Variants in ANK2 observed in about 807,000 individuals in gnomAD.
The protein encoded by ANK2 is ankyrin-2.
ANK2 carries 83 observed loss-of-function variants against 360.5 expected under a neutral mutation model. The ratio of observed to expected loss-of-function variants is 0.23; its 90% CI spans 0.19 to 0.28. The LOEUF (loss-of-function observed/expected upper bound fraction) is 0.28. ANK2 is among the 10% of genes least tolerant of loss of function. ANK2 has a pLI of 1.00. For synonymous variants in ANK2, 1,740 were observed against 1,759.5 expected (o/e 0.99, Z 0.28); for missense variants, 4,201 against 4,795.7 (o/e 0.88, Z 3.66).
chr4:112,878,947 A>G (rs1292961923), intron 1 of ANK2, among the ~76,000 whole-genome samples: 1 of 152,176 alleles, frequency 6.6e-6, no homozygotes, highest in Non-Finnish European at 1.5e-5. Context: ...TTAATGGTAT[A>G]TCTAGGCACA....
At chr4:113,147,009 C>T (rs2096859576) in intron 1 of ANK2, among the ~76,000 whole-genome samples, 1 of 152,118 alleles carries the variant, frequency 6.6e-6, no homozygotes, top group South Asian at 2.1e-4. Flanking sequence ...TTTCTTAGCA[C>T]TGAAACTCTG....
At chr4:112,817,379 A>T (rs1395522983), upstream of ANK2, among the ~76,000 whole-genome samples, 2 of 152,184 alleles carry the variant, frequency 1.3e-5, no homozygotes, top group African/African-American at 4.8e-5. Flanking sequence ...ATAGTAGGTG[A>T]TCAATAAATG....
At position 113,358,531 on chromosome 4, in the gene ANK2, C is replaced by G. The variant is rs749246876; in HGVS notation, c.9913C>G (p.Pro3305Ala). ...TTTTACTGAAAGCAAATCCAAAATT[C>G]CTGTAAGGACTATGCCCACTTCCAC... ...VPFTESKSKIPVRTMPTSTPA... is the reference protein window; with the variant it reads ...VPFTESKSKIAVRTMPTSTPA... Residue 3305 changes from proline to alanine, a missense_variant, in exon 38 of 46, where the codon CCT becomes GCT. By Grantham distance (27) the Pro-to-Ala change is conservative. Coordinates refer to ENST00000357077, the MANE Select transcript of ANK2 (RefSeq NM_001148.6). 6 of 1,614,070 alleles carry G rather than the reference C, an allele frequency of 3.7e-6. No individual in the cohort carries two copies. Among genetic ancestry groups the G allele is most frequent in the Admixed American group, 3.3e-5 (2 of 60,016 alleles).
intron 1 of ANK2, among the ~76,000 whole-genome samples, chr4:113,158,755 TAGTC>T (rs1011930583): frequency 6.6e-6 from 1 of 152,190 alleles, no homozygotes; most frequent in Non-Finnish European, 1.5e-5. Flanking sequence ...ACCCTGTTCT[TAGTC>T]AGGGTTAGAG....
intron 1 of ANK2, among the ~76,000 whole-genome samples, chr4:113,114,165 A>G (rs1176590144): frequency 2.0e-5 from 3 of 152,116 alleles, no homozygotes; most frequent in South Asian, 4.1e-4. Context: ...AGAGCCCTCA[A>G]TGAGGGCTTT....
intron 1 of ANK2, among the ~76,000 whole-genome samples, chr4:113,093,876 G>A (rs1264463390): frequency 2.0e-5 from 3 of 152,154 alleles, no homozygotes; most frequent in African/African-American, 7.2e-5. Flanking sequence ...TATGTTAGTA[G>A]AGTCTGTACC....
chr4:112,854,217 G>T (rs975597284), intron 1 of ANK2, among the ~76,000 whole-genome samples: 1 of 152,126 alleles, frequency 6.6e-6, no homozygotes, highest in African/African-American at 2.4e-5. Flanking sequence ...CTTGGTAGGT[G>T]GTTACTAGGA....
chr4:112,817,214 C>T (rs2055734708), upstream of ANK2, among the ~76,000 whole-genome samples: 2 of 151,986 alleles, frequency 1.3e-5, no homozygotes, highest in Non-Finnish European at 2.9e-5. Flanking sequence ...ATTTTTTTTA[C>T]CAGCCTTTAG....
chr4:112,794,712 C>G, the ANK2 span, among the ~76,000 whole-genome samples: 482 of 152,258 alleles, frequency 3.2e-3, 2 homozygotes, highest in African/African-American at 0.011. Flanking sequence ...CCCTTCTCCC[C>G]AAACTATTTT....
intron 2 of ANK2, among the ~76,000 whole-genome samples, chr4:112,961,327 T>C (rs747011417): frequency 2.6e-5 from 4 of 152,118 alleles, no homozygotes; most frequent in Admixed American, 6.6e-5. Flanking sequence ...GAATATAAGG[T>C]ATTTTTTTTA....
At chr4:112,889,647 G>C (rs2079405168) in intron 1 of ANK2, among the ~76,000 whole-genome samples, 1 of 151,638 alleles carries the variant, frequency 6.6e-6, no homozygotes. Context: ...AGAAATGAAA[G>C]TAAAACATGA....
At chr4:112,821,206 C>T (rs894613896) in intron 1 of ANK2, among the ~76,000 whole-genome samples, 4 of 152,076 alleles carry the variant, frequency 2.6e-5, no homozygotes, top group Admixed American at 6.6e-5. Context: ...TGAGCCACCC[C>T]GCCCGGCCCC....
chr4:113,167,851 A>C (rs1172683005), intron 1 of ANK2, among the ~76,000 whole-genome samples: 4 of 152,202 alleles, frequency 2.6e-5, no homozygotes, highest in Non-Finnish European at 5.9e-5. Flanking sequence ...ATGGAATAAA[A>C]GACATGTCCT....
rs576353917 is a variant in ANK2, at chr4:113,064,632, G to A, written c.84+14820G>A. On this transcript the variant is annotated intron_variant, in intron 1 of 45. Transcript: ENST00000357077. ...ACCCTTACGTCAAGAAAGTCCAAAC[G>A]ATTGTGCAAAGTATGGCCCGTGTTG... Among the ~76,000 whole-genome samples, 62 of 152,298 alleles carry A rather than the reference G, an allele frequency of 4.1e-4. No individual in the cohort carries two copies. The East Asian group carries it at 6.0e-3, about 15-fold the overall frequency.
Position 112,861,839 on chromosome 4 carries a change from C to CAGAGAGAGAGAGAGAGAGAGAGAG in ANK2, c.-39-42610_-39-42587dup, listed in dbSNP as rs141841376. Among the ~76,000 whole-genome samples the CAGAGAGAGAGAGAGAGAGAGAGAG allele has an allele frequency of 1.4e-3, 197 of 140,478 alleles. 4 individuals are homozygous for CAGAGAGAGAGAGAGAGAGAGAGAG. Among genetic ancestry groups the CAGAGAGAGAGAGAGAGAGAGAGAG allele is most frequent in the East Asian group, 8.8e-3 (42 of 4,754 alleles). The allele number at this position is 140,478 out of a possible 152,430, so 92.2% of individuals were successfully genotyped here. A position where few individuals can be genotyped will look rare whatever the true frequency, so the allele number is the denominator to read the frequency against. On this transcript the variant is annotated intron_variant, in intron 1 of 30. Coordinates refer to the ANK2 transcript ENST00000503271. ...CAACAAAAATGTGGCTACATAGAGA[C>CAGAGAGAGAGAGAGAGAGAGAGAG]AGAGAGAGAGAGAGAGAGAGAGAGA...
intron 1 of ANK2, chr4:112,826,652 C>A: frequency 9.9e-7 from 1 of 1,012,566 alleles, no homozygotes; most frequent in Non-Finnish European, 1.5e-6. Flanking sequence ...AACGGGTGAC[C>A]ACACTTACAC....
chr4:113,046,250 CT>C (rs1204817037), upstream of ANK2, among the ~76,000 whole-genome samples: 42 of 152,052 alleles, frequency 2.8e-4, no homozygotes, highest in Admixed American at 1.0e-3. Flanking sequence ...TAACTACTGG[CT>C]GGGATTTTCA....
At chr4:112,838,729 C>T (rs973222721) in intron 1 of ANK2, among the ~76,000 whole-genome samples, 1 of 152,116 alleles carries the variant, frequency 6.6e-6, no homozygotes, top group Non-Finnish European at 1.5e-5. Context: ...ATTAGCCAGG[C>T]ATGGTGGCGC....
At chr4:113,258,178 C>T (rs1349833731) in intron 12 of ANK2, 30 bp downstream of exon 12, 5 of 1,586,524 alleles carry the variant, frequency 3.2e-6, no homozygotes, top group East Asian at 4.5e-5. Context: ...AGTCACAAAG[C>T]ATTCCTTCTC....
Sources: gnomAD v4.1 joint callset for allele counts (sites outside exome capture counted in the v4.1 genomes callset) on GRCh38, gnomAD v4.1.1 for gene constraint, MANE v1.5 for transcripts, NCBI Gene and HGNC (gene_info 2026-07-23, HGNC 2026-07-21) for gene names.